The following ARHGAP26 variants were observed in gnomAD, a reference collection of about 807,000 sequenced individuals.
ARHGAP26 encodes the protein Rho GTPase activating protein 26.
ARHGAP26 carries 38 observed loss-of-function variants against 104.8 expected under a neutral mutation model. The ratio of observed to expected loss-of-function variants is 0.36; its 90% CI spans 0.28 to 0.48. The LOEUF (loss-of-function observed/expected upper bound fraction) is 0.48. Among genes scored for constraint, ARHGAP26 ranks in the 20% least tolerant of loss-of-function variants. The pLI, the probability that ARHGAP26 is intolerant of heterozygous loss-of-function variation, is 0.99. For synonymous variants in ARHGAP26, 341 were observed against 340.0 expected (o/e 1.00, Z -0.03); for missense variants, 704 against 947.9 (o/e 0.74, Z 3.38).
intron 17 of ARHGAP26, chr5:143,058,237 T>C (rs1032232882): frequency 3.0e-5 from 11 of 364,662 alleles, no homozygotes; most frequent in African/African-American, 2.3e-4. Context: ...AGTTTCCCCA[T>C]CTGTCTAATA....
chr5:142,870,164 G>A (rs1755066215), intron 1 of ARHGAP26, among the ~76,000 whole-genome samples: 2 of 152,196 alleles, frequency 1.3e-5, no homozygotes, highest in Admixed American at 1.3e-4. Flanking sequence ...AGGGTGCCAC[G>A]ACGCTTGGCA....
intron 1 of ARHGAP26, among the ~76,000 whole-genome samples, chr5:142,853,523 C>T (rs1485070307): frequency 6.6e-6 from 1 of 152,180 alleles, no homozygotes; most frequent in Non-Finnish European, 1.5e-5. Flanking sequence ...GTTCTAGAGT[C>T]AGGCTTCTGG....
intron 13 of ARHGAP26, among the ~76,000 whole-genome samples, chr5:143,038,722 AG>A (rs1359603428): frequency 1.1e-5 from 1 of 93,638 alleles, no homozygotes; most frequent in Non-Finnish European, 1.9e-5. Flanking sequence ...TTTGAGACAG[AG>A]TCTCTTTCTG....
At chr5:142,828,473 G>C (rs1194176778) in intron 1 of ARHGAP26, among the ~76,000 whole-genome samples, 2 of 151,958 alleles carry the variant, frequency 1.3e-5, no homozygotes, top group Non-Finnish European at 2.9e-5. Context: ...AAAATGGTTG[G>C]GAAAATGAAA....
intron 11 of ARHGAP26, among the ~76,000 whole-genome samples, chr5:142,994,008 T>G (rs911436873): frequency 2.0e-5 from 3 of 152,246 alleles, no homozygotes; most frequent in African/African-American, 7.2e-5. Context: ...GACAACATTT[T>G]AGATGGCCTT....
intron 1 of ARHGAP26, among the ~76,000 whole-genome samples, chr5:142,803,732 G>A (rs138350751): frequency 6.6e-6 from 1 of 152,298 alleles, no homozygotes; most frequent in African/African-American, 2.4e-5. Context: ...TGGCATCTGG[G>A]GATGTGTTCT....
chr5:143,028,829 C>T (rs1314430534), intron 12 of ARHGAP26, among the ~76,000 whole-genome samples: 1 of 152,168 alleles, frequency 6.6e-6, no homozygotes, highest in Non-Finnish European at 1.5e-5. Context: ...AAAGTTAGTT[C>T]ACATTCCCTG....
At chr5:143,210,265 G>T (rs1267928381) in intron 21 of ARHGAP26, among the ~76,000 whole-genome samples, 1 of 152,134 alleles carries the variant, frequency 6.6e-6, no homozygotes, top group East Asian at 1.9e-4. Context: ...GGCAAAAAGA[G>T]AGTTTGTGCA....
intron 19 of ARHGAP26, among the ~76,000 whole-genome samples, chr5:143,145,917 C>T (rs1349822981): frequency 1.3e-5 from 2 of 152,130 alleles, no homozygotes; most frequent in African/African-American, 4.8e-5. Context: ...TTTTTACATA[C>T]ATGACTCGTG....
intron 11 of ARHGAP26, among the ~76,000 whole-genome samples, chr5:142,993,537 T>G (rs955504003): frequency 4.6e-5 from 7 of 152,190 alleles, no homozygotes; most frequent in Non-Finnish European, 1.0e-4. Flanking sequence ...ATTCCTGACC[T>G]CAGGTGATCC....
At chr5:142,786,654 A>ATTTTT (rs70991779) in intron 1 of ARHGAP26, among the ~76,000 whole-genome samples, 42 of 104,474 alleles carry the variant, frequency 4.0e-4, no homozygotes, top group African/African-American at 6.1e-4. Flanking sequence ...GAGTTCTAGA[A>ATTTTT]TTTTTTTTTT....
chr5:143,202,963 C>T (rs183574293), intron 20 of ARHGAP26: 3 of 152,184 alleles, frequency 2.0e-5, no homozygotes, highest in African/African-American at 2.4e-5. Flanking sequence ...GACCTAAAGC[C>T]GTAAAAACTC....
At chr5:143,158,161 C>T (rs113545108) in intron 20 of ARHGAP26, among the ~76,000 whole-genome samples, 1,595 of 152,228 alleles carry the variant, frequency 0.01, 25 homozygotes, top group African/African-American at 0.034. Context: ...GTGTTGATTT[C>T]TTTCCGTGGT....
intron 17 of ARHGAP26, among the ~76,000 whole-genome samples, chr5:143,118,072 T>C (rs1418849755): frequency 6.6e-6 from 1 of 152,030 alleles, no homozygotes; most frequent in African/African-American, 2.4e-5. Context: ...GTATAGAGGA[T>C]TGGAGAAAGG....
At position 143,032,003 on chromosome 5, in the gene ARHGAP26, A is replaced by G. The variant is rs145120354; in HGVS notation, c.1145-5193A>G. Among the ~76,000 whole-genome samples, 621 of 152,222 alleles carry G rather than the reference A, an allele frequency of 4.1e-3. 6 individuals are homozygous for G. Among genetic ancestry groups the G allele is most frequent in the Non-Finnish European group, 4.8e-3 (329 of 68,002 alleles). ...TCTTCCCACGTCTGTGGTTTTCCCT[A>G]AGATTCTTCAAGGTTACTGAGCATA... On this transcript the variant is annotated intron_variant, in intron 12 of 22. Transcript: ENST00000645722.
At chr5:143,113,145 T>A (rs1441881886) in intron 17 of ARHGAP26, among the ~76,000 whole-genome samples, 1 of 152,212 alleles carries the variant, frequency 6.6e-6, no homozygotes, top group Non-Finnish European at 1.5e-5. Flanking sequence ...ATAGAGCTAG[T>A]TACACCCTCA....
At chr5:143,138,273 C>G (rs1162892262) in intron 19 of ARHGAP26, among the ~76,000 whole-genome samples, 2 of 152,272 alleles carry the variant, frequency 1.3e-5, no homozygotes, top group South Asian at 2.1e-4. Flanking sequence ...TATAAGACAG[C>G]AAGTCGCTCC....
intron 17 of ARHGAP26, among the ~76,000 whole-genome samples, chr5:143,112,632 C>T (rs185831840): frequency 1.6e-4 from 24 of 152,216 alleles, no homozygotes; most frequent in Non-Finnish European, 3.1e-4. Flanking sequence ...TCATCTGGCC[C>T]CTGGCAACCA....
intron 10 of ARHGAP26, among the ~76,000 whole-genome samples, chr5:142,920,155 T>G (rs544818758): frequency 6.6e-6 from 1 of 152,358 alleles, no homozygotes; most frequent in South Asian, 2.1e-4. Flanking sequence ...ACAAAATGTG[T>G]CAACTCTTTG....
Sources: allele counts gnomAD v4.1 joint callset (sites outside exome capture counted in the v4.1 genomes callset), GRCh38; gene constraint gnomAD v4.1.1; transcripts MANE v1.5; gene names NCBI Gene and HGNC (gene_info 2026-07-23, HGNC 2026-07-21).